LRP1B: variants seen among roughly 807,000 people sequenced by gnomAD.
The protein encoded by LRP1B is low-density lipoprotein receptor-related protein 1B.
A neutral mutation model predicts 556.6 loss-of-function variants in LRP1B; 217 were observed. That is an observed-to-expected ratio of 0.39 (90% CI 0.35 to 0.44). The LOEUF (loss-of-function observed/expected upper bound fraction) is 0.44, where lower values mean the gene tolerates loss of function less well. Among genes scored for constraint, LRP1B ranks in the 20% least tolerant of loss-of-function variants. The pLI is 1.00. For synonymous variants in LRP1B, 2,047 were observed against 1,865.8 expected, an observed-to-expected ratio of 1.10 and a Z score of -2.50; for missense variants, 5,053 against 5,620.8, an observed-to-expected ratio of 0.90 and a Z score of 3.23.
chr2:141,646,765 A>C (rs528246712), intron 2 of LRP1B, among the ~76,000 whole-genome samples: 2 of 152,304 alleles, frequency 1.3e-5, no homozygotes, highest in African/African-American at 4.8e-5. Context: ...AATCAGAGAA[A>C]CGTAAGCAAG....
At chr2:141,831,938 G>T (rs13386121) in intron 1 of LRP1B, among the ~76,000 whole-genome samples, 23,530 of 151,368 alleles carry the variant, frequency 0.16, 1,933 homozygotes, top group Non-Finnish European at 0.17. Context: ...AACTTTTCTC[G>T]TTTTTTTCTC....
At chr2:141,134,170 C>T (rs1238536792) in intron 7 of LRP1B, among the ~76,000 whole-genome samples, 1 of 151,706 alleles carries the variant, frequency 6.6e-6, no homozygotes, top group Non-Finnish European at 1.5e-5. Context: ...TTTCAGTGAT[C>T]CTCTGCTTGG....
chr2:140,617,295 A>C (rs1204845947), intron 41 of LRP1B, among the ~76,000 whole-genome samples: 1 of 152,156 alleles, frequency 6.6e-6, no homozygotes, highest in South Asian at 2.1e-4. Context: ...AATATCACAC[A>C]GATAACTGTA....
At chr2:140,924,378 G>A (rs1694827551) in intron 20 of LRP1B, among the ~76,000 whole-genome samples, 1 of 151,874 alleles carries the variant, frequency 6.6e-6, no homozygotes, top group African/African-American at 2.4e-5. Context: ...TTTTGTTGCT[G>A]TTATTTTCTA....
Position 141,785,104 on chromosome 2 carries a change from C to CA in LRP1B, c.205+25174dup, listed in dbSNP as rs573643701. On this transcript the variant is annotated intron_variant, in intron 2 of 90. Transcript: ENST00000389484. ...AACCTTTCTCAGCACCTTTGCTTTTCAGCAGAGACACATGACTAGTCTGCC... is the reference window on the plus strand; with the variant it reads ...AACCTTTCTCAGCACCTTTGCTTTTCAAGCAGAGACACATGACTAGTCTGCC... Among the ~76,000 whole-genome samples the CA allele has an allele frequency of 7.9e-5, 12 of 152,088 alleles. No individual in the cohort carries two copies. The East Asian group carries it at 1.5e-3, about 20-fold the overall frequency.
At chr2:141,995,254 T>C (rs1288837059) in intron 1 of LRP1B, among the ~76,000 whole-genome samples, 1 of 152,136 alleles carries the variant, frequency 6.6e-6, no homozygotes, top group Non-Finnish European at 1.5e-5. Context: ...TGCTAGTTCC[T>C]CCTACGGGAA....
chr2:141,988,350 T>A (rs1215736790), intron 1 of LRP1B, among the ~76,000 whole-genome samples: 1 of 151,844 alleles, frequency 6.6e-6, no homozygotes, highest in Non-Finnish European at 1.5e-5. Context: ...GTAGAATAGA[T>A]TCAAGCAGTA....
intron 11 of LRP1B, among the ~76,000 whole-genome samples, chr2:141,031,947 G>A (rs114454601): frequency 0.012 from 1,750 of 151,548 alleles, 17 homozygotes; most frequent in Non-Finnish European, 0.018. Context: ...GTATTTACAC[G>A]GTTACCTATA....
intron 66 of LRP1B, among the ~76,000 whole-genome samples, chr2:140,423,838 C>G (rs1685549268): frequency 6.6e-6 from 1 of 152,020 alleles, no homozygotes; most frequent in African/African-American, 2.4e-5. Flanking sequence ...CCTTGAGCCA[C>G]TTACATATAC....
At chr2:141,982,629 A>G (rs770500449) in intron 1 of LRP1B, among the ~76,000 whole-genome samples, 20 of 152,208 alleles carry the variant, frequency 1.3e-4, no homozygotes, top group South Asian at 4.1e-4. Flanking sequence ...ATATTGAAGT[A>G]TTATGTATTT....
At chr2:140,542,227 TG>T (rs1015909390) in intron 43 of LRP1B, among the ~76,000 whole-genome samples, 1 of 152,144 alleles carries the variant, frequency 6.6e-6, no homozygotes, top group Non-Finnish European at 1.5e-5. Flanking sequence ...TTATTCAATG[TG>T]TATAACAAGT....
chr2:140,742,793 G>T (rs1312594113), intron 35 of LRP1B, among the ~76,000 whole-genome samples: 7 of 151,922 alleles, frequency 4.6e-5, no homozygotes, highest in Admixed American at 2.6e-4. Flanking sequence ...TAAAATTTAT[G>T]TTATTAAGTA....
At chr2:140,281,580 TCTA>T (rs1682914688) in intron 84 of LRP1B, among the ~76,000 whole-genome samples, 1 of 151,880 alleles carries the variant, frequency 6.6e-6, no homozygotes, top group African/African-American at 2.4e-5. Flanking sequence ...CACTTATTGT[TCTA>T]CTTCACTGAA....
intron 70 of LRP1B, 105 bp from the exon 71 acceptor site, chr2:140,370,947 G>A: frequency 8.2e-7 from 1 of 1,226,060 alleles, no homozygotes; most frequent in Non-Finnish European, 1.1e-6. Flanking sequence ...TTATACCATG[G>A]GCTTTCTTTC....
chr2:140,239,832 C>A (rs1163389963), intron 87 of LRP1B, among the ~76,000 whole-genome samples: 1 of 150,936 alleles, frequency 6.6e-6, no homozygotes, highest in Non-Finnish European at 1.5e-5. Flanking sequence ...CACACATTTA[C>A]TAGCAATGAT....
chr2:141,123,250 ATAAATAAAT>A (rs1701111403), intron 7 of LRP1B, among the ~76,000 whole-genome samples: 1 of 79,162 alleles, frequency 1.3e-5, no homozygotes, highest in South Asian at 3.8e-4. Context: ...ATAAAAAAAA[ATAAATAAAT>A]AAATAAAAAA....
rs562614265 is a variant in LRP1B, at chr2:141,054,716, C to G, written c.1552+400G>C. On this transcript the variant is annotated intron_variant, in intron 10 of 90. Coordinates refer to ENST00000389484, the MANE Select transcript of LRP1B (RefSeq NM_018557.3). ...CCCAGTGATGCTGGATAAAATGAAGCCTGACTATACATGGATTTCTGTCGA... is the reference window on the plus strand; with the variant it reads ...CCCAGTGATGCTGGATAAAATGAAGGCTGACTATACATGGATTTCTGTCGA... Among the ~76,000 whole-genome samples the G allele has an allele frequency of 3.3e-5, 5 of 151,900 alleles. No individual in the cohort carries two copies. In the East Asian group the frequency reaches 9.8e-4, roughly 30 times the overall value.
intron 58 of LRP1B, among the ~76,000 whole-genome samples, chr2:140,487,362 T>C (rs1450951953): frequency 6.6e-6 from 1 of 151,940 alleles, no homozygotes; most frequent in Non-Finnish European, 1.5e-5. Context: ...TTCCTAGGGT[T>C]GTGAATAAGG....
intron 1 of LRP1B, among the ~76,000 whole-genome samples, chr2:141,923,985 C>A (rs979669521): frequency 2.8e-4 from 42 of 151,948 alleles, no homozygotes; most frequent in African/African-American, 9.4e-4. Flanking sequence ...TTGATATGGA[C>A]AGGAGACAGG....
Sources: gnomAD v4.1 joint callset for allele counts (sites outside exome capture counted in the v4.1 genomes callset) on GRCh38, gnomAD v4.1.1 for gene constraint, MANE v1.5 for transcripts, NCBI Gene and HGNC (gene_info 2026-07-23, HGNC 2026-07-21) for gene names.